Variants in RFFL observed in about 807,000 individuals in gnomAD.
The protein encoded by RFFL is ring finger and FYVE like domain containing E3 ubiquitin protein ligase.
In RFFL, 16 loss-of-function variants were observed where a neutral mutation model predicts 40.4. The ratio of observed to expected loss-of-function variants is 0.40; its 90% confidence interval spans 0.27 to 0.60. The LOEUF (loss-of-function observed/expected upper bound fraction) is 0.60. RFFL is among the 20% of genes least tolerant of loss of function. The pLI is 0.47. For missense variants in RFFL, 367 were observed against 451.7 expected (o/e 0.81, Z 1.70); for synonymous variants, 154 against 167.9 (o/e 0.92, Z 0.64).
At chr17:35,083,464 A>AT (rs1268941140) in intron 1 of RFFL, among the ~76,000 whole-genome samples, 3 of 152,312 alleles carry the variant, frequency 2.0e-5, no homozygotes, top group Admixed American at 1.3e-4. Context: ...TTCAATGTGC[A>AT]TAATTTCACT....
At chr17:35,043,122 A>C (rs1020492081) in intron 1 of RFFL, among the ~76,000 whole-genome samples, 1 of 152,212 alleles carries the variant, frequency 6.6e-6, no homozygotes, top group African/African-American at 2.4e-5. Context: ...TTTAGGTCTA[A>C]AGTTTAAGAA....
chr17:35,077,164 T>C (rs978707147), intron 1 of RFFL, among the ~76,000 whole-genome samples: 1 of 151,378 alleles, frequency 6.6e-6, no homozygotes, highest in Non-Finnish European at 1.5e-5. Flanking sequence ...CTAAGTATTA[T>C]CAACTTTGGT....
At chr17:35,044,422 C>T (rs868804319) in intron 1 of RFFL, among the ~76,000 whole-genome samples, 6 of 152,126 alleles carry the variant, frequency 3.9e-5, no homozygotes, top group South Asian at 2.1e-4. Context: ...GGCAGGCTCA[C>T]GCCTGTAATC....
chr17:35,088,821 G>C (rs998382042), intron 1 of RFFL: 1 of 152,314 alleles, frequency 6.6e-6, no homozygotes, highest in African/African-American at 2.4e-5. Context: ...AGGGCGCTTG[G>C]GGATAATCGA....
At chr17:35,065,257 C>T (rs16970611), upstream of RFFL, among the ~76,000 whole-genome samples, 10,115 of 151,662 alleles carry the variant, frequency 0.067, 1,022 homozygotes, top group African/African-American at 0.21. Flanking sequence ...TCTGTATTTG[C>T]GAACTTTAAA....
chr17:35,048,381 G>A lies in RFFL; in HGVS notation c.-9+15195C>T, dbSNP rs572849120. Among the ~76,000 whole-genome samples the A allele has an allele frequency of 2.9e-4, 44 of 151,962 alleles. 1 individual carries two copies. The highest frequency in any genetic ancestry group is 2.2e-3 in the Admixed American group (34 of 15,274). On this transcript the variant is annotated intron_variant, in intron 1 of 6. Coordinates refer to ENST00000394597, the MANE Select transcript of RFFL (RefSeq NM_001017368.2). The stretch of plus-strand genomic sequence containing the variant: ...CACGCCACTGCACTCCAGCCTGGGC[G>A]ACAGAGCGAGACTCCATCTCAAAAA...
At chr17:35,025,583 C>G (rs2091036105) in intron 2 of RFFL, among the ~76,000 whole-genome samples, 1 of 152,216 alleles carries the variant, frequency 6.6e-6, no homozygotes, top group Non-Finnish European at 1.5e-5. Flanking sequence ...ATGATTTCCT[C>G]TCAAATTTCC....
At chr17:35,034,239 G>A (rs559215375) in intron 1 of RFFL, among the ~76,000 whole-genome samples, 2 of 152,000 alleles carry the variant, frequency 1.3e-5, no homozygotes, top group African/African-American at 4.8e-5. Context: ...AGAGGCTGAG[G>A]ACAGAGGATC....
At chr17:35,027,806 G>A (rs2091053175) in intron 1 of RFFL, among the ~76,000 whole-genome samples, 1 of 152,078 alleles carries the variant, frequency 6.6e-6, no homozygotes, top group Admixed American at 6.5e-5. Flanking sequence ...GCCAAGGCGG[G>A]TGGATCACCT....
In RFFL at chr17:35,021,743, G is replaced by C; in HGVS notation, c.219C>G (p.Thr73=). The change falls in exon 3 of 7, where the codon ACC becomes ACG. Residue 73 remains threonine, a synonymous_variant. Transcript: ENST00000394597. The part of the protein sequence containing the change: ...CLDCKKNFCM[T]CSSQVGNGPR... ...GCCCATTCCCTACTTGGCTCGAACA[G>C]GTCATGCAAAAATTTTTCTTACAGT... is the stretch of plus-strand genomic sequence containing the variant. 2 of 1,614,224 alleles carry C rather than the reference G, an allele frequency of 1.2e-6. No homozygotes were observed. The highest frequency in any genetic ancestry group is 2.2e-5 in the South Asian group (2 of 91,088).
chr17:35,055,324 T>TC (rs2091254302), intron 1 of RFFL, among the ~76,000 whole-genome samples: 1 of 152,166 alleles, frequency 6.6e-6, no homozygotes, highest in East Asian at 1.9e-4. Context: ...CCCAAATTCT[T>TC]CATTATGAAG....
intron 1 of RFFL, among the ~76,000 whole-genome samples, chr17:35,038,237 C>CCAGAT (rs1433379681): frequency 6.7e-6 from 1 of 149,986 alleles, no homozygotes; most frequent in Non-Finnish European, 1.5e-5. Context: ...TGCAGTGAAC[C>CCAGAT]CAGATCGCAC....
Position 35,008,436 on chromosome 17 carries a change from AT to A in RFFL, c.*3531del, listed in dbSNP as rs748229437. The A allele has an allele frequency of 6.3e-3, 906 of 143,248 alleles. No homozygotes were observed. Among genetic ancestry groups the A allele is most frequent in the Middle Eastern group, 0.011 (3 of 280 alleles). The allele number at this position is 143,248 out of a possible 1,614,324, so 8.9% of individuals were successfully genotyped here. A position where few individuals can be genotyped will look rare whatever the true frequency, so the allele number is the denominator to read the frequency against. On this transcript the variant is annotated 3_prime_UTR_variant, in exon 7 of 7. Coordinates refer to ENST00000394597, the MANE Select transcript of RFFL (RefSeq NM_001017368.2). ...TTAGCTTGTGGTTTATCAGTTGTCA[AT>A]TTTTTTTTTTTTTTAATACAGGGTC...
chr17:35,034,273 G>C (rs1022334119), intron 1 of RFFL, among the ~76,000 whole-genome samples: 1 of 151,986 alleles, frequency 6.6e-6, no homozygotes, highest in East Asian at 1.9e-4. Context: ...AGGATGTAGT[G>C]AGCTATGATC....
chr17:35,034,060 G>T (rs1446955954), intron 1 of RFFL, among the ~76,000 whole-genome samples: 1 of 150,554 alleles, frequency 6.6e-6, no homozygotes, highest in African/African-American at 2.5e-5. Flanking sequence ...GGAGAATGGC[G>T]TGAACCCGGG....
chr17:35,056,375 CT>C (rs71147455), intron 1 of RFFL, among the ~76,000 whole-genome samples: 2,838 of 120,684 alleles, frequency 0.024, 62 homozygotes, highest in African/African-American at 0.084. Flanking sequence ...TTTACTTCTA[CT>C]TTTTTTTTTT....
chr17:35,088,354 A>G (rs2091441282), intron 1 of RFFL, among the ~76,000 whole-genome samples: 1 of 152,180 alleles, frequency 6.6e-6, no homozygotes, highest in South Asian at 2.1e-4. Context: ...ATGACAGACC[A>G]ACAAAAAGGA....
At chr17:35,029,635 C>T (rs1221563941) in intron 1 of RFFL, among the ~76,000 whole-genome samples, 7 of 151,380 alleles carry the variant, frequency 4.6e-5, no homozygotes, top group African/African-American at 1.7e-4. Context: ...ATTCTCCTGC[C>T]TCAGCCTCCC....
chr17:35,016,579 G>A lies in RFFL; in HGVS notation c.677C>T (p.Ser226Phe). Reference sequence around the variant, plus strand: ...GACAAAGCTGTCCTCTGAGTCAATAGACTGCAATGACAAAGATGAGATCAG... The same window carrying A: ...GACAAAGCTGTCCTCTGAGTCAATAAACTGCAATGACAAAGATGAGATCAG... ...ARVPAEDETQ[S>F]IDSEDSFVPG... Residue 226 changes from serine (S) to phenylalanine (F), a missense_variant and splice_region_variant, in exon 5 of 7, where the codon TCT becomes TTT. Transcript: ENST00000394597. 1 of 1,612,800 alleles carries A rather than the reference G, an allele frequency of 6.2e-7. No individual in the cohort carries two copies. Among genetic ancestry groups the A allele is most frequent in the African/African-American group, 1.3e-5 (1 of 75,016 alleles).
Sources: allele counts gnomAD v4.1 joint callset (sites outside exome capture counted in the v4.1 genomes callset), GRCh38; gene constraint gnomAD v4.1.1; transcripts MANE v1.5; gene names NCBI Gene and HGNC (gene_info 2026-07-23, HGNC 2026-07-21).